Variants in RNGTT observed in about 807,000 individuals in gnomAD.
The protein encoded by RNGTT is mRNA-capping enzyme.
In RNGTT, 33 loss-of-function variants were observed where a neutral mutation model predicts 79.3. The observed-to-expected ratio is 0.42, with a 90% CI of 0.32 to 0.56. RNGTT has a LOEUF of 0.56. Ranked by LOEUF, RNGTT falls within the 20% of genes least tolerant of loss-of-function variation. The probability of loss-of-function intolerance (pLI) is 0.17; values close to 1 mark genes in which losing one functional copy is unlikely to be tolerated. For missense variants in RNGTT, 497 were observed against 739.1 expected (o/e 0.67, Z 3.80); for synonymous variants, 222 against 235.9 (o/e 0.94, Z 0.54).
chr6:88,879,379 G>A (rs2127926366), intron 8 of RNGTT, among the ~76,000 whole-genome samples: 1 of 152,316 alleles, frequency 6.6e-6, no homozygotes, highest in South Asian at 2.1e-4. Context: ...GGGTGTCAGA[G>A]TGAGACTCCG....
chr6:88,844,296 A>G, intron 11 of RNGTT, 61 bp downstream of exon 11: 1 of 1,467,986 alleles, frequency 6.8e-7, no homozygotes, highest in South Asian at 1.2e-5. Context: ...ATTCATATTC[A>G]TCTTGTAAGC....
intron 11 of RNGTT, among the ~76,000 whole-genome samples, chr6:88,824,174 G>T (rs2127882157): frequency 6.6e-6 from 1 of 152,200 alleles, no homozygotes; most frequent in East Asian, 1.9e-4. Context: ...GCATTGTTGG[G>T]TGATTCTGTC....
intron 2 of RNGTT, among the ~76,000 whole-genome samples, chr6:88,938,488 A>G (rs1488574090): frequency 3.3e-5 from 5 of 152,212 alleles, no homozygotes; most frequent in Admixed American, 2.6e-4. Context: ...CCATTCGGCC[A>G]GTTTACATCT....
At chr6:88,962,562 C>G (rs1165722546) in intron 1 of RNGTT, among the ~76,000 whole-genome samples, 7 of 152,000 alleles carry the variant, frequency 4.6e-5, no homozygotes, top group Non-Finnish European at 1.0e-4. Context: ...CACTTGAGGC[C>G]AGGCGTTGGA....
At chr6:88,934,117 C>G (rs1784591920) in intron 2 of RNGTT, among the ~76,000 whole-genome samples, 1 of 152,112 alleles carries the variant, frequency 6.6e-6, no homozygotes, top group Non-Finnish European at 1.5e-5. Context: ...ACTGTAACTT[C>G]AATCTTCTGG....
chr6:88,619,713 A>G (rs2127765315), intron 14 of RNGTT, among the ~76,000 whole-genome samples: 1 of 152,322 alleles, frequency 6.6e-6, no homozygotes, highest in South Asian at 2.1e-4. Context: ...CTACCTTTTG[A>G]TAATTCAAAA....
chr6:88,760,472 G>A (rs1778176115), intron 13 of RNGTT, among the ~76,000 whole-genome samples: 1 of 152,044 alleles, frequency 6.6e-6, no homozygotes, highest in African/African-American at 2.4e-5. Flanking sequence ...AATATGTTTG[G>A]GTGATGAGAA....
At chr6:88,759,920 A>G in intron 13 of RNGTT, among the ~76,000 whole-genome samples, 1 of 152,308 alleles carries the variant, frequency 6.6e-6, no homozygotes, top group Middle Eastern at 3.4e-3. Context: ...AATCTATATA[A>G]TATCCACCAG....
intron 14 of RNGTT, among the ~76,000 whole-genome samples, chr6:88,660,505 G>A (rs762642364): frequency 5.0e-4 from 74 of 148,140 alleles, no homozygotes; most frequent in Non-Finnish European, 6.9e-4. Flanking sequence ...GAGCAGGAGT[G>A]GCTATTCTTA....
intron 8 of RNGTT, among the ~76,000 whole-genome samples, chr6:88,856,131 T>A (rs1484435707): frequency 6.6e-6 from 1 of 152,194 alleles, no homozygotes; most frequent in African/African-American, 2.4e-5. Flanking sequence ...TGATAAAATA[T>A]ATAAATAAAT....
chr6:88,881,924 T>G (rs142159840), intron 8 of RNGTT, among the ~76,000 whole-genome samples: 82 of 152,374 alleles, frequency 5.4e-4, no homozygotes, highest in Middle Eastern at 6.8e-3. Context: ...CTTAGCTTAC[T>G]AATTCTCTAT....
chr6:88,817,351 CA>C (rs1296118297), intron 11 of RNGTT, among the ~76,000 whole-genome samples: 2 of 151,774 alleles, frequency 1.3e-5, no homozygotes, highest in Non-Finnish European at 2.9e-5. Context: ...TCATCCTACC[CA>C]AAATGTGGCC....
intron 13 of RNGTT, among the ~76,000 whole-genome samples, chr6:88,695,476 C>T (rs1394609262): frequency 1.3e-5 from 2 of 152,048 alleles, no homozygotes; most frequent in Non-Finnish European, 2.9e-5. Context: ...CTCATACCTA[C>T]CACCACATTT....
At chr6:88,675,121 A>C (rs1427319877) in intron 14 of RNGTT, among the ~76,000 whole-genome samples, 2 of 151,676 alleles carry the variant, frequency 1.3e-5, no homozygotes, top group South Asian at 4.2e-4. Flanking sequence ...AAAAAAAATT[A>C]TAGGTTTCTC....
intron 8 of RNGTT, among the ~76,000 whole-genome samples, chr6:88,884,665 T>C (rs374067197): frequency 2.6e-5 from 4 of 152,112 alleles, no homozygotes; most frequent in East Asian, 1.9e-4. Context: ...CAACAAAGGA[T>C]GAGGGCAAAC....
intron 14 of RNGTT, among the ~76,000 whole-genome samples, chr6:88,648,675 G>T (rs117465241): frequency 6.6e-6 from 1 of 151,912 alleles, no homozygotes; most frequent in Non-Finnish European, 1.5e-5. Flanking sequence ...ATAAAAACAC[G>T]CATGCATGCA....
chr6:88,773,533 GAA>G (rs946297545), intron 12 of RNGTT, among the ~76,000 whole-genome samples: 1 of 149,714 alleles, frequency 6.7e-6, no homozygotes, highest in East Asian at 2.0e-4. Context: ...GAAAAGAATT[GAA>G]AGAGTCACAC....
At chr6:88,793,660 T>A (rs914832899) in intron 12 of RNGTT, among the ~76,000 whole-genome samples, 2 of 151,398 alleles carry the variant, frequency 1.3e-5, no homozygotes, top group African/African-American at 4.9e-5. Flanking sequence ...AGGCCAGGAG[T>A]TCAAGACTAG....
At chr6:88,752,717 T>C (rs1227804115) in intron 13 of RNGTT, among the ~76,000 whole-genome samples, 1 of 152,160 alleles carries the variant, frequency 6.6e-6, no homozygotes, top group Non-Finnish European at 1.5e-5. Context: ...CCATCTAAAC[T>C]TAATTGTACA....
Sources: allele counts gnomAD v4.1 joint callset (sites outside exome capture counted in the v4.1 genomes callset), GRCh38; gene constraint gnomAD v4.1.1; transcripts MANE v1.5; gene names NCBI Gene and HGNC (gene_info 2026-07-23, HGNC 2026-07-21).